Variants in RALYL observed in about 807,000 individuals in gnomAD.
RALYL encodes RALY RNA binding protein like.
A neutral mutation model predicts 35.1 loss-of-function variants in RALYL; 29 were observed. That is an observed-to-expected ratio of 0.83 (90% CI 0.61 to 1.13). RALYL has a LOEUF of 1.13. Among genes scored for constraint, RALYL ranks in the 50% most tolerant of loss-of-function variants. RALYL has a pLI of 0.00. For missense variants in RALYL, 359 were observed against 360.4 expected (o/e 1.00, Z 0.03); for synonymous variants, 120 against 127.6 (o/e 0.94, Z 0.40).
At chr8:84,521,233 AGTGATAAGGCAG>A (rs2058435264) in intron 1 of RALYL, among the ~76,000 whole-genome samples, 3 of 152,208 alleles carry the variant, frequency 2.0e-5, no homozygotes, top group Admixed American at 2.0e-4. Context: ...TGTCAGACAC[AGTGATAAGGCAG>A]TTATCTGCAA....
intron 7 of RALYL, among the ~76,000 whole-genome samples, chr8:84,876,273 G>T (rs956234457): frequency 1.2e-4 from 18 of 152,118 alleles, no homozygotes; most frequent in Non-Finnish European, 4.4e-5. Context: ...TAGAGGAATG[G>T]GTTATGGCCT....
chr8:84,641,226 G>A (rs1256473827), intron 2 of RALYL, among the ~76,000 whole-genome samples: 2 of 150,760 alleles, frequency 1.3e-5, no homozygotes, highest in African/African-American at 4.9e-5. Context: ...TTTTAAATAA[G>A]TAACTTTAAA....
At chr8:84,850,352 G>A (rs1163836793) in intron 5 of RALYL, among the ~76,000 whole-genome samples, 1 of 152,130 alleles carries the variant, frequency 6.6e-6, no homozygotes, top group African/African-American at 2.4e-5. Context: ...AAGATCAAGA[G>A]TTTGAAAACT....
At chr8:84,256,108 T>A (rs1831163399) in intron 1 of RALYL, among the ~76,000 whole-genome samples, 1 of 152,146 alleles carries the variant, frequency 6.6e-6, no homozygotes, top group Admixed American at 6.6e-5. Context: ...AGGGTATAAT[T>A]ATCTCTGAGG....
intron 1 of RALYL, among the ~76,000 whole-genome samples, chr8:84,475,903 G>T (rs371290500): frequency 5.9e-5 from 9 of 152,292 alleles, no homozygotes; most frequent in African/African-American, 2.2e-4. Flanking sequence ...TTACAATCCA[G>T]AAGTTTTTAA....
At chr8:84,520,542 A>C (rs888845513) in intron 1 of RALYL, among the ~76,000 whole-genome samples, 1 of 152,190 alleles carries the variant, frequency 6.6e-6, no homozygotes, top group Non-Finnish European at 1.5e-5. Flanking sequence ...TTCTTTAGAT[A>C]GGGGTCCCTA....
intron 1 of RALYL, among the ~76,000 whole-genome samples, chr8:84,418,142 G>A (rs2044952608): frequency 6.6e-6 from 1 of 152,154 alleles, no homozygotes; most frequent in Non-Finnish European, 1.5e-5. Context: ...GATCTGTAGT[G>A]TCTGACATAG....
At chr8:84,249,000 T>C (rs1308513945) in intron 1 of RALYL, among the ~76,000 whole-genome samples, 1 of 152,098 alleles carries the variant, frequency 6.6e-6, no homozygotes, top group East Asian at 1.9e-4. Flanking sequence ...ATATATTTGT[T>C]TATTTTGTAG....
rs183520585 is a variant in RALYL, at chr8:84,237,719, A to T, written c.-24+53295A>T. On this transcript the variant is annotated intron_variant, in intron 1 of 8. Transcript: ENST00000521268. ...TACTATAAGAAGAAAACAAAAAGTA[A>T]GTCTTTTTTAATCTGATGATTATGA... Among the ~76,000 whole-genome samples the T allele has an allele frequency of 4.6e-3, 700 of 152,288 alleles. 4 individuals carry two copies. Among genetic ancestry groups the T allele is most frequent in the African/African-American group, 0.016 (670 of 41,568 alleles).
intron 2 of RALYL, among the ~76,000 whole-genome samples, chr8:84,606,280 C>A (rs1285972986): frequency 1.3e-5 from 2 of 152,094 alleles, no homozygotes; most frequent in African/African-American, 2.4e-5. Context: ...TTACTAATTT[C>A]TTCAATCATA....
At chr8:84,710,340 C>T (rs1233498396) in intron 2 of RALYL, among the ~76,000 whole-genome samples, 2 of 151,998 alleles carry the variant, frequency 1.3e-5, no homozygotes, top group African/African-American at 2.4e-5. Flanking sequence ...ACTCTGTCAC[C>T]AAGCTGGAGT....
chr8:84,793,574 A>G (rs1471359746), intron 3 of RALYL, among the ~76,000 whole-genome samples: 3 of 152,178 alleles, frequency 2.0e-5, no homozygotes, highest in Non-Finnish European at 4.4e-5. Context: ...CTACATCAGT[A>G]TAAGATAGAT....
rs914309121 is a variant in RALYL at position 84,481,049 on chromosome 8, A to G, written c.-23-48250A>G. Among the ~76,000 whole-genome samples the G allele has an allele frequency of 2.0e-5, 3 of 152,296 alleles. No individual in the cohort carries two copies. In the East Asian group the frequency reaches 5.8e-4, roughly 29 times the overall value. On this transcript the variant is annotated intron_variant, in intron 1 of 8. Transcript: ENST00000521268. Reference sequence around the variant, plus strand: ...AAATACATACTTTGTTATCATAGCCAAGTATTATAAATAGCAGAAACAAAG... The same window carrying G: ...AAATACATACTTTGTTATCATAGCCGAGTATTATAAATAGCAGAAACAAAG...
chr8:84,200,537 C>G (rs1264423811), intron 1 of RALYL, among the ~76,000 whole-genome samples: 1 of 152,130 alleles, frequency 6.6e-6, no homozygotes, highest in Non-Finnish European at 1.5e-5. Context: ...AGAATTTTAA[C>G]TATTTGCAAA....
At chr8:84,406,441 T>TA (rs1344129719) in intron 1 of RALYL, among the ~76,000 whole-genome samples, 1 of 151,744 alleles carries the variant, frequency 6.6e-6, no homozygotes, top group Non-Finnish European at 1.5e-5. Flanking sequence ...TGATGAAAAA[T>TA]AAATGGAGAA....
chr8:84,373,276 A>G (rs1856275506), intron 1 of RALYL, among the ~76,000 whole-genome samples: 1 of 151,774 alleles, frequency 6.6e-6, no homozygotes, highest in Non-Finnish European at 1.5e-5. Context: ...CGGCATCTTC[A>G]TCATGAAATC....
intron 2 of RALYL, among the ~76,000 whole-genome samples, chr8:84,711,619 A>C (rs1283373102): frequency 6.6e-6 from 1 of 152,158 alleles, no homozygotes; most frequent in African/African-American, 2.4e-5. Context: ...AGGCTTTTTA[A>C]GGCATTGACA....
At chr8:84,617,945 A>T (rs1588544180) in intron 2 of RALYL, among the ~76,000 whole-genome samples, 1 of 151,790 alleles carries the variant, frequency 6.6e-6, no homozygotes. Context: ...GATGAAGCCC[A>T]CTTGATCATG....
intron 1 of RALYL, among the ~76,000 whole-genome samples, chr8:84,350,002 C>G (rs369325628): frequency 1.3e-5 from 2 of 150,554 alleles, no homozygotes; most frequent in East Asian, 1.9e-4. Flanking sequence ...CATTTGAATA[C>G]AAGTGTCTCT....
Sources: gnomAD v4.1 joint callset for allele counts (sites outside exome capture counted in the v4.1 genomes callset) on GRCh38, gnomAD v4.1.1 for gene constraint, MANE v1.5 for transcripts, NCBI Gene and HGNC (gene_info 2026-07-23, HGNC 2026-07-21) for gene names.